UBASH3B: variants seen among roughly 807,000 people sequenced by gnomAD.
UBASH3B encodes the protein ubiquitin-associated and SH3 domain-containing protein B.
In UBASH3B, 37 loss-of-function variants were observed where a neutral mutation model predicts 83.4. That is an observed-to-expected ratio of 0.44 (90% confidence interval 0.34 to 0.58). The LOEUF is 0.58. Ranked by LOEUF, UBASH3B falls within the 20% of genes least tolerant of loss-of-function variation. The pLI, the probability that UBASH3B is intolerant of heterozygous loss-of-function variation, is 0.01. For missense variants in UBASH3B, 657 were observed against 827.2 expected (o/e 0.79, Z 2.52); for synonymous variants, 304 against 318.3 (o/e 0.96, Z 0.48).
At chr11:122,690,193 TA>T (rs1360871443) in intron 1 of UBASH3B, among the ~76,000 whole-genome samples, 1,313 of 39,790 alleles carry the variant, frequency 0.033, 63 homozygotes, top group Non-Finnish European at 0.046. Context: ...TATATATATA[TA>T]TATATATATA....
At position 122,779,542 on chromosome 11, in the gene UBASH3B, A is replaced by ACGGTCAGT. The variant is rs763368445; in HGVS notation, c.451_458dup (p.Trp154SerfsTer27). Reference sequence around the variant, plus strand: ...TGCCCTGGGGGAAGCCCTGCAGACCACGGTCAGTCGCTGGAAATGTAAGTT... The same window carrying ACGGTCAGT: ...TGCCCTGGGGGAAGCCCTGCAGACCACGGTCAGTCGGTCAGTCGCTGGAAATGTAAGTT... On this transcript the variant is annotated frameshift_variant, in exon 4 of 14. Coordinates refer to ENST00000284273, the MANE Select transcript of UBASH3B (RefSeq NM_032873.5). LOFTEE classifies it high-confidence loss of function. 3 of 1,614,146 alleles carry ACGGTCAGT rather than the reference A, an allele frequency of 1.9e-6. No homozygotes were observed. In the South Asian group the frequency reaches 3.3e-5, roughly 18 times the overall value.
At chr11:122,788,339 G>A (rs547142820) in intron 5 of UBASH3B, among the ~76,000 whole-genome samples, 1 of 152,240 alleles carries the variant, frequency 6.6e-6, no homozygotes, top group Non-Finnish European at 1.5e-5. Flanking sequence ...GAGGCCAAGA[G>A]AGGGGAATCA....
chr11:122,658,824 C>A (rs1219084862), intron 1 of UBASH3B, among the ~76,000 whole-genome samples: 1 of 152,230 alleles, frequency 6.6e-6, no homozygotes, highest in Non-Finnish European at 1.5e-5. Context: ...CCTGTGACTG[C>A]TGTAACAAAT....
chr11:122,744,742 A>C (rs1474827048), intron 1 of UBASH3B, among the ~76,000 whole-genome samples: 1 of 150,894 alleles, frequency 6.6e-6, no homozygotes, highest in African/African-American at 2.4e-5. Flanking sequence ...TTTGTGTGTG[A>C]TTGTGTCAGT....
intron 1 of UBASH3B, among the ~76,000 whole-genome samples, chr11:122,757,274 A>G (rs373727651): frequency 6.6e-6 from 1 of 152,142 alleles, no homozygotes; most frequent in East Asian, 1.9e-4. Flanking sequence ...TGAACGGGAT[A>G]GTCCCCTTGT....
Position 122,792,696 on chromosome 11 carries a change from CT to C in UBASH3B, c.981-2005del, listed in dbSNP as rs1312420861. Among the ~76,000 whole-genome samples, 22 of 152,172 alleles carry C rather than the reference CT, an allele frequency of 1.4e-4. 1 individual carries two copies. The highest frequency in any genetic ancestry group is 1.4e-3 in the Admixed American group (22 of 15,266). On this transcript the variant is annotated intron_variant, in intron 6 of 13. Transcript: ENST00000284273. ...AAAGTAGAATAGCTGGTCTATTATACTGTGTGAACGGCACAAGATTTCCTTG... is the reference window on the plus strand; with the variant it reads ...AAAGTAGAATAGCTGGTCTATTATACGTGTGAACGGCACAAGATTTCCTTG...
intron 1 of UBASH3B, among the ~76,000 whole-genome samples, chr11:122,751,774 G>A (rs1305566262): frequency 3.9e-5 from 6 of 152,300 alleles, no homozygotes; most frequent in Middle Eastern, 3.4e-3. Flanking sequence ...TCATTAGAAT[G>A]CTGATTTTAG....
chr11:122,689,385 C>T (rs1051246759), intron 1 of UBASH3B, among the ~76,000 whole-genome samples: 2 of 152,078 alleles, frequency 1.3e-5, no homozygotes, highest in Admixed American at 1.3e-4. Context: ...AAAACTAGGT[C>T]ATTTTATTTA....
At chr11:122,776,170 G>A in intron 1 of UBASH3B, 49 bp from the exon 2 acceptor site, 10 of 1,574,218 alleles carry the variant, frequency 6.4e-6, no homozygotes, top group Non-Finnish European at 7.8e-6. Flanking sequence ...CCACTGCAGG[G>A]AGAGGAGGCT....
intron 1 of UBASH3B, among the ~76,000 whole-genome samples, chr11:122,660,043 C>T (rs117482176): frequency 4.6e-5 from 7 of 152,238 alleles, no homozygotes; most frequent in South Asian, 2.1e-4. Context: ...CTGAGGGGAA[C>T]GCAATTAATG....
intron 6 of UBASH3B, among the ~76,000 whole-genome samples, chr11:122,792,312 CT>C (rs1230308395): frequency 1.6e-3 from 212 of 129,042 alleles, no homozygotes; most frequent in Middle Eastern, 3.9e-3. Context: ...TTTTTTTTTT[CT>C]TTTTTTTTTT....
At chr11:122,786,998 C>G (rs967092897) in intron 5 of UBASH3B, among the ~76,000 whole-genome samples, 1 of 151,996 alleles carries the variant, frequency 6.6e-6, no homozygotes, top group African/African-American at 2.4e-5. Flanking sequence ...CGCTCCCCCC[C>G]CACCGCCCCA....
chr11:122,788,022 C>A (rs923162447), intron 5 of UBASH3B, among the ~76,000 whole-genome samples: 2 of 152,142 alleles, frequency 1.3e-5, no homozygotes, highest in African/African-American at 2.4e-5. Context: ...TACCTTCATG[C>A]CTATACCTGT....
At chr11:122,798,862 C>T (rs1396422950) in intron 9 of UBASH3B, 80 bp from the exon 10 acceptor site, 8 of 1,121,726 alleles carry the variant, frequency 7.1e-6, no homozygotes, top group Non-Finnish European at 1.1e-5. Flanking sequence ...GAGCTTACTG[C>T]TTGGCCCCCT....
chr11:122,717,898 GTTTC>G (rs1382387353), intron 1 of UBASH3B, among the ~76,000 whole-genome samples: 5 of 147,734 alleles, frequency 3.4e-5, no homozygotes, highest in East Asian at 2.0e-4. Flanking sequence ...TCTCACCCAA[GTTTC>G]TTTCTTTCTT....
At chr11:122,743,275 G>T (rs919959026) in intron 1 of UBASH3B, among the ~76,000 whole-genome samples, 3 of 152,096 alleles carry the variant, frequency 2.0e-5, no homozygotes, top group Non-Finnish European at 4.4e-5. Flanking sequence ...GAGTGCAGTG[G>T]CATGATCACA....
At chr11:122,793,927 A>C (rs1861104266) in intron 6 of UBASH3B, among the ~76,000 whole-genome samples, 1 of 152,214 alleles carries the variant, frequency 6.6e-6, no homozygotes, top group Non-Finnish European at 1.5e-5. Context: ...GTTAGGAGCC[A>C]CTGGCTGAGG....
At chr11:122,702,765 T>C (rs1591776661) in intron 1 of UBASH3B, among the ~76,000 whole-genome samples, 1 of 152,170 alleles carries the variant, frequency 6.6e-6, no homozygotes, top group South Asian at 2.1e-4. Context: ...CGTCAGGTGA[T>C]CCACCCGCCT....
rs1390715177 is a variant in UBASH3B at position 122,656,185 on chromosome 11, T to A, written c.136T>A (p.Ser46Thr). The A allele has an allele frequency of 1.3e-6, 2 of 1,518,640 alleles. No homozygotes were observed. Among genetic ancestry groups the A allele is most frequent in the Non-Finnish European group, 1.8e-6 (2 of 1,134,458 alleles). The allele number at this position is 1,518,640 out of a possible 1,614,324, so 94.1% of individuals were successfully genotyped here. The change falls in exon 1 of 14, where the codon TCC (serine) becomes ACC (threonine). Residue 46 changes from serine (S) to threonine (T), a missense_variant. This residue lies in a region of UBASH3B where 78 missense variants were observed against 68.4 expected (regional missense o/e 1.14). Transcript: ENST00000284273. ...TGGATCGGCGCTGGACGTGCTCCTC[T>A]CCATGGGGTTCCCCAGAGCCCGCGC... is the stretch of plus-strand genomic sequence containing the variant. Reference protein sequence around the residue: ...KHGSALDVLLSMGFPRARAQK... With the variant: ...KHGSALDVLLTMGFPRARAQK...
Sources: gnomAD v4.1 joint callset for allele counts (sites outside exome capture counted in the v4.1 genomes callset) on GRCh38, gnomAD v4.1.1 for gene constraint, gnomAD v4.1.1 regional missense constraint, MANE v1.5 for transcripts, NCBI Gene and HGNC (gene_info 2026-07-23, HGNC 2026-07-21) for gene names.